ARFGEF3: variants seen among roughly 807,000 people sequenced by gnomAD.
ARFGEF3 encodes the protein ARFGEF family member 3.
Under a neutral mutation model 221.7 loss-of-function variants are expected in ARFGEF3, and 96 were observed. The observed-to-expected ratio is 0.43, with a 90% CI of 0.37 to 0.51. The LOEUF (loss-of-function observed/expected upper bound fraction) is 0.51, where lower values mean the gene tolerates loss of function less well. Ranked by LOEUF, ARFGEF3 falls within the 20% of genes least tolerant of loss-of-function variation. ARFGEF3 has a pLI of 0.00. For missense variants in ARFGEF3, 2,410 were observed against 2,789.9 expected (o/e 0.86, Z 3.07); for synonymous variants, 1,145 against 1,126.8 (o/e 1.02, Z -0.32).
chr6:138,226,914 C>T lies in ARFGEF3; in HGVS notation c.352-2870C>T, dbSNP rs970853596. ...CTTGTGAGTCCCAGGAGGGCATGGA[C>T]ACCATCAGCCCTGTAATTAAAATCT... On this transcript the variant is annotated intron_variant, in intron 4 of 33. Transcript: ENST00000251691. 1.2e-4 allele frequency among the ~76,000 whole-genome samples: 19 copies of T among 152,308 alleles called. No homozygotes were observed. In the East Asian group the frequency reaches 3.7e-3, roughly 29 times the overall value.
intron 8 of ARFGEF3, among the ~76,000 whole-genome samples, chr6:138,251,807 C>A (rs1265172459): frequency 2.0e-5 from 3 of 152,104 alleles, no homozygotes; most frequent in Non-Finnish European, 2.9e-5. Flanking sequence ...AGAAGTTGCT[C>A]CTGCCATATG....
chr6:138,256,336 G>A (rs147971924), intron 10 of ARFGEF3, among the ~76,000 whole-genome samples: 37 of 152,216 alleles, frequency 2.4e-4, no homozygotes, highest in African/African-American at 7.2e-4. Flanking sequence ...TATTCTGAAG[G>A]TGCTTCAAAC....
chr6:138,194,955 C>T (rs1387937907), intron 2 of ARFGEF3, among the ~76,000 whole-genome samples: 1 of 137,284 alleles, frequency 7.3e-6, no homozygotes, highest in Non-Finnish European at 1.5e-5. Context: ...TGTGCATGTA[C>T]TTGTAGGCTC....
intron 2 of ARFGEF3, among the ~76,000 whole-genome samples, chr6:138,192,625 G>A (rs1777328413): frequency 6.6e-6 from 1 of 152,232 alleles, no homozygotes; most frequent in Non-Finnish European, 1.5e-5. Flanking sequence ...AGTGATTGTG[G>A]GTTGGGATTG....
Position 138,175,174 on chromosome 6 carries a change from G to T in ARFGEF3, c.137+4461G>T, listed in dbSNP as rs1034988133. Among the ~76,000 whole-genome samples, 6 of 152,210 alleles carry T rather than the reference G, an allele frequency of 3.9e-5. No homozygotes were observed. The East Asian group carries it at 9.6e-4, about 24-fold the overall frequency. On this transcript the variant is annotated intron_variant, in intron 2 of 33. Transcript: ENST00000251691. ...GTGAGCAACAAGGGTAGGAATTAAT[G>T]CAGAGCCTATTGATATTCAATGCCA... is the stretch of plus-strand genomic sequence containing the variant.
intron 4 of ARFGEF3, among the ~76,000 whole-genome samples, chr6:138,214,287 G>A (rs974458476): frequency 6.6e-6 from 1 of 152,212 alleles, no homozygotes; most frequent in Non-Finnish European, 1.5e-5. Flanking sequence ...TGAAGGGTAT[G>A]TTAATTTAGT....
chr6:138,212,572 C>A (rs568498264), intron 4 of ARFGEF3, among the ~76,000 whole-genome samples: 1 of 152,306 alleles, frequency 6.6e-6, no homozygotes, highest in South Asian at 2.1e-4. Context: ...AAGACACATG[C>A]ACACATATGT....
At chr6:138,316,007 C>T (rs1287861215) in intron 26 of ARFGEF3, among the ~76,000 whole-genome samples, 1 of 152,144 alleles carries the variant, frequency 6.6e-6, no homozygotes, top group Admixed American at 6.5e-5. Context: ...TTTTACTTAG[C>T]ATTTTAAACC....
At chr6:138,271,247 TTTGGGAGGCCAGG>T (rs2114605340) in intron 12 of ARFGEF3, among the ~76,000 whole-genome samples, 1 of 152,218 alleles carries the variant, frequency 6.6e-6, no homozygotes, top group South Asian at 2.1e-4. Context: ...GTCTCAGCAC[TTTGGGAGGCCAGG>T]GTGGGAGGAC....
Position 138,335,013 on chromosome 6 carries a change from C to CCAG in ARFGEF3, c.6168_6170dup (p.Pro2056_Arg2057insSer). 1.3e-6 allele frequency: 2 copies of CCAG among 1,589,814 alleles called. No homozygotes were observed. The highest frequency in any genetic ancestry group is 1.7e-6 in the Non-Finnish European group (2 of 1,168,896). ...GAGAAGAAAGGAGAGCCACTGGGTC[C>CCAG]CAGGGGCCAGGACTCCCCGCTGCTT... is the stretch of plus-strand genomic sequence containing the variant. On this transcript the variant is annotated inframe_insertion, in exon 33 of 34. Coordinates refer to ENST00000251691, the MANE Select transcript of ARFGEF3 (RefSeq NM_020340.5).
At chr6:138,266,720 G>C (rs951616682) in intron 12 of ARFGEF3, among the ~76,000 whole-genome samples, 1 of 151,622 alleles carries the variant, frequency 6.6e-6, no homozygotes, top group Admixed American at 6.6e-5. Context: ...GTGGTGGCAG[G>C]CGCCTGTAGT....
chr6:138,308,768 T>C lies in ARFGEF3; in HGVS notation c.4003T>C (p.Phe1335Leu). 6.2e-7 allele frequency: 1 copy of C among 1,613,942 alleles called. No homozygotes were observed. Among genetic ancestry groups the C allele is most frequent in the Non-Finnish European group, 8.5e-7 (1 of 1,179,796 alleles). Reference protein sequence around the residue: ...GKGQAPVFDVFEAFLNTDNIQ... With the variant: ...GKGQAPVFDVLEAFLNTDNIQ... The stretch of plus-strand genomic sequence containing the variant: ...AGGCCAAGCTCCAGTGTTTGATGTA[T>C]TTGAAGCTTTTCTCAATACTGACAA... Residue 1335 changes from phenylalanine (F) to leucine (L), a missense_variant, in exon 24 of 34, where the codon TTT becomes CTT. Transcript: ENST00000251691.
intron 15 of ARFGEF3, 89 bp from the exon 16 acceptor site, chr6:138,286,612 T>TG: frequency 1.0e-6 from 1 of 1,001,078 alleles, no homozygotes; most frequent in Non-Finnish European, 1.6e-6. Context: ...AACTGAGTAC[T>TG]GCTCATTTGA....
At chr6:138,255,917 A>G (rs1778670215) in intron 10 of ARFGEF3, 148 bp downstream of exon 10, 1 of 697,416 alleles carries the variant, frequency 1.4e-6, no homozygotes, top group South Asian at 2.0e-5. Context: ...CTGTCTCTAG[A>G]GTCAGTGCGT....
intron 27 of ARFGEF3, among the ~76,000 whole-genome samples, chr6:138,319,335 A>G (rs1779982103): frequency 6.6e-6 from 1 of 151,994 alleles, no homozygotes; most frequent in African/African-American, 2.4e-5. Context: ...CTTTATATAA[A>G]ATATTTCCCC....
intron 6 of ARFGEF3, 51 bp downstream of exon 6, chr6:138,238,682 A>G: frequency 6.3e-7 from 1 of 1,590,324 alleles, no homozygotes; most frequent in Non-Finnish European, 8.6e-7. Context: ...GTGTCTGTGT[A>G]TCCCATGCCC....
At chr6:138,206,938 G>A (rs1017370278) in intron 2 of ARFGEF3, 104 bp from the exon 3 acceptor site, 15 of 756,576 alleles carry the variant, frequency 2.0e-5, no homozygotes, top group Non-Finnish European at 3.2e-5. Flanking sequence ...TAGTTTTTGT[G>A]TATGTGTGTA....
chr6:138,311,318 A>G (rs1429515888), intron 24 of ARFGEF3, 89 bp from the exon 25 acceptor site: 4 of 731,620 alleles, frequency 5.5e-6, no homozygotes, highest in Non-Finnish European at 7.1e-6. Context: ...TATTTGGTGT[A>G]CTAGTGCTAT....
In ARFGEF3 at chr6:138,334,279, G is replaced by T; in HGVS notation, c.5433G>T (p.Ala1811=). Residue 1811 remains alanine, a synonymous_variant, in exon 33 of 34, where the codon GCG becomes GCT. Transcript: ENST00000251691. The surrounding 1 kb of genome is among the most constrained non-coding windows in gnomAD (Gnocchi z 5.1). ...GGAANLYRQS[A]MSFNIYFHAL... ...CCGCCAACCTCTACCGCCAGTCTGC[G>T]ATGAGCTTTAACATTTATTTCCACG... The T allele has an allele frequency of 6.2e-7, 1 of 1,613,770 alleles. No individual in the cohort carries two copies. The highest frequency in any genetic ancestry group is 8.5e-7 in the Non-Finnish European group (1 of 1,179,826).
Sources: allele counts gnomAD v4.1 joint callset (sites outside exome capture counted in the v4.1 genomes callset), GRCh38; gene constraint gnomAD v4.1.1; non-coding constraint Gnocchi (gnomAD v3.1); transcripts MANE v1.5; gene names NCBI Gene and HGNC (gene_info 2026-07-23, HGNC 2026-07-21).